Variants in FAM13A observed in about 807,000 individuals in gnomAD.
FAM13A encodes protein FAM13A.
FAM13A carries 76 observed loss-of-function variants against 129.6 expected under a neutral mutation model. The ratio of observed to expected loss-of-function variants is 0.59; its 90% CI spans 0.49 to 0.71. FAM13A has a LOEUF of 0.71. FAM13A is among the 30% of genes least tolerant of loss of function. The pLI, the probability that FAM13A is intolerant of heterozygous loss-of-function variation, is 0.00. For missense variants in FAM13A, 1,108 were observed against 1,249.3 expected (o/e 0.89, Z 1.70); for synonymous variants, 443 against 449.9 (o/e 0.98, Z 0.20).
At chr4:88,951,803 C>T (rs1414850886) in intron 4 of FAM13A, among the ~76,000 whole-genome samples, 2 of 152,026 alleles carry the variant, frequency 1.3e-5, no homozygotes, top group African/African-American at 4.8e-5. Flanking sequence ...ATTAGAGTCT[C>T]TTATATATCA....
chr4:88,891,774 T>C (rs1745366074), intron 6 of FAM13A, among the ~76,000 whole-genome samples: 1 of 152,152 alleles, frequency 6.6e-6, no homozygotes, highest in South Asian at 2.1e-4. Context: ...CAAAAACTCT[T>C]AGCAAACTAC....
chr4:88,740,304 C>T (rs1159175177), intron 19 of FAM13A, among the ~76,000 whole-genome samples: 1 of 152,212 alleles, frequency 6.6e-6, no homozygotes, highest in Admixed American at 6.5e-5. Flanking sequence ...TGCTTTTACA[C>T]TTTACTGTAG....
At chr4:88,791,801 C>A (rs998791573) in intron 8 of FAM13A, among the ~76,000 whole-genome samples, 2 of 152,026 alleles carry the variant, frequency 1.3e-5, no homozygotes, top group African/African-American at 2.4e-5. Context: ...GTGTATATCT[C>A]ATCTCTTTCA....
intron 7 of FAM13A, among the ~76,000 whole-genome samples, chr4:88,825,770 AAATT>A (rs1287221952): frequency 6.6e-6 from 1 of 152,202 alleles, no homozygotes; most frequent in African/African-American, 2.4e-5. Context: ...ATTTCCTAAT[AAATT>A]AAGTTGCCCT....
chr4:89,004,415 A>G (rs1764715199), intron 3 of FAM13A, among the ~76,000 whole-genome samples: 1 of 152,234 alleles, frequency 6.6e-6, no homozygotes, highest in South Asian at 2.1e-4. Flanking sequence ...CTGGGATTAC[A>G]GGCGTGAGCC....
At chr4:88,976,222 C>T (rs17817631) in intron 4 of FAM13A, among the ~76,000 whole-genome samples, 23,615 of 152,134 alleles carry the variant, frequency 0.16, 1,947 homozygotes, top group South Asian at 0.26. Flanking sequence ...CTTGAATTTA[C>T]GATCAACTAT....
chr4:88,942,876 C>T (rs1755015770), intron 4 of FAM13A, among the ~76,000 whole-genome samples: 1 of 152,076 alleles, frequency 6.6e-6, no homozygotes, highest in African/African-American at 2.4e-5. Context: ...TGTTTTAAAA[C>T]AAGGTTTTCT....
chr4:88,841,559 A>G (rs927095146), intron 7 of FAM13A, among the ~76,000 whole-genome samples: 1 of 152,062 alleles, frequency 6.6e-6, no homozygotes, highest in Admixed American at 6.6e-5. Context: ...TTTGCATATC[A>G]TATATCTGAT....
chr4:88,755,777 T>A (rs1743493598), intron 14 of FAM13A, among the ~76,000 whole-genome samples: 1 of 152,234 alleles, frequency 6.6e-6, no homozygotes, highest in African/African-American at 2.4e-5. Flanking sequence ...AAGTGATGAG[T>A]TAGATATATG....
intron 1 of FAM13A, among the ~76,000 whole-genome samples, chr4:89,036,358 G>A (rs1339319522): frequency 6.6e-6 from 1 of 152,144 alleles, no homozygotes; most frequent in Non-Finnish European, 1.5e-5. Flanking sequence ...AGATGATTTA[G>A]GGTATCAGGA....
chr4:88,800,680 A>C (rs929946003), intron 8 of FAM13A, among the ~76,000 whole-genome samples: 2 of 148,246 alleles, frequency 1.3e-5, no homozygotes, highest in Non-Finnish European at 3.0e-5. Context: ...GTGAGACTCC[A>C]TCTCAGAAAC....
chr4:89,013,481 G>C, intron 3 of FAM13A, among the ~76,000 whole-genome samples: 1 of 146,010 alleles, frequency 6.8e-6, no homozygotes, highest in East Asian at 2.3e-4. Flanking sequence ...TACATAACTA[G>C]TAGTTGCTCA....
At chr4:88,741,689 A>G (rs1295081600) in intron 19 of FAM13A, among the ~76,000 whole-genome samples, 1 of 152,222 alleles carries the variant, frequency 6.6e-6, no homozygotes, top group African/African-American at 2.4e-5. Context: ...AAACTTTTTG[A>G]GTACTGACGT....
At chr4:88,896,287 G>A (rs1364353479) in intron 6 of FAM13A, among the ~76,000 whole-genome samples, 1 of 133,044 alleles carries the variant, frequency 7.5e-6, no homozygotes, top group Non-Finnish European at 1.6e-5. Context: ...GGGGGAGGGG[G>A]GAGGGATACC....
Position 88,753,339 on chromosome 4 carries a change from A to G in FAM13A, c.1727-2702T>C, listed in dbSNP as rs1278459364. ...TCCATCAGTTTTCTTCTTTGTTAAC[A>G]CAGCTTTATTTTGTGGCTTTATTCT... On this transcript the variant is annotated intron_variant, in intron 14 of 23. Transcript: ENST00000264344. Among the ~76,000 whole-genome samples, 5 of 152,336 alleles carry G rather than the reference A, an allele frequency of 3.3e-5. No homozygotes were observed. The East Asian group carries it at 5.8e-4, about 18-fold the overall frequency.
At chr4:89,020,815 G>A in intron 2 of FAM13A, 146 bp from the exon 3 acceptor site, 1 of 637,074 alleles carries the variant, frequency 1.6e-6, no homozygotes, top group Non-Finnish European at 2.7e-6. Context: ...TTCACATTTT[G>A]TAAAACTTTC....
chr4:88,851,940 A>G (rs1299168040), intron 6 of FAM13A, among the ~76,000 whole-genome samples: 1 of 152,198 alleles, frequency 6.6e-6, no homozygotes, highest in Non-Finnish European at 1.5e-5. Flanking sequence ...AATGTAAAAA[A>G]TATTATGCCA....
intron 3 of FAM13A, among the ~76,000 whole-genome samples, chr4:89,014,502 A>C (rs1229876569): frequency 6.6e-6 from 1 of 152,228 alleles, no homozygotes; most frequent in Non-Finnish European, 1.5e-5. Flanking sequence ...ATCAGAACTT[A>C]ACTATTGTGG....
chr4:88,964,509 A>G (rs994220162), intron 4 of FAM13A, among the ~76,000 whole-genome samples: 1 of 151,834 alleles, frequency 6.6e-6, no homozygotes, highest in Non-Finnish European at 1.5e-5. Flanking sequence ...TTATTAAACT[A>G]GATTTTTCTG....
Sources: allele counts gnomAD v4.1 joint callset (sites outside exome capture counted in the v4.1 genomes callset), GRCh38; gene constraint gnomAD v4.1.1; transcripts MANE v1.5; gene names NCBI Gene and HGNC (gene_info 2026-07-23, HGNC 2026-07-21).